CADPS: variants seen among roughly 807,000 people sequenced by gnomAD.
CADPS encodes calcium dependent secretion activator.
In CADPS, 57 loss-of-function variants were observed where a neutral mutation model predicts 167.3. That is an observed-to-expected ratio of 0.34 (90% CI 0.28 to 0.42). The LOEUF (loss-of-function observed/expected upper bound fraction) is 0.42. CADPS is among the 20% of genes least tolerant of loss of function. The pLI is 1.00. For synonymous variants in CADPS, 676 were observed against 635.3 expected, an observed-to-expected ratio of 1.06 and a Z score of -0.96; for missense variants, 1,414 against 1,738.1, an observed-to-expected ratio of 0.81 and a Z score of 3.32.
At chr3:62,630,355 C>G (rs1168255589) in intron 6 of CADPS, among the ~76,000 whole-genome samples, 1 of 151,984 alleles carries the variant, frequency 6.6e-6, no homozygotes, top group African/African-American at 2.4e-5. Context: ...ATTTTATTTT[C>G]TTGGAAATAG....
intron 1 of CADPS, among the ~76,000 whole-genome samples, chr3:62,822,192 T>C (rs543640688): frequency 2.6e-5 from 4 of 152,316 alleles, no homozygotes; most frequent in African/African-American, 9.6e-5. Flanking sequence ...GGGAATGCTA[T>C]CATATTAACA....
intron 24 of CADPS, among the ~76,000 whole-genome samples, chr3:62,473,508 CT>C (rs949795042): frequency 2.0e-5 from 3 of 152,160 alleles, no homozygotes; most frequent in African/African-American, 7.2e-5. Flanking sequence ...ATCTAGCTGG[CT>C]TAAGGCCATC....
At chr3:62,570,989 T>A in intron 8 of CADPS, 51 bp from the exon 9 acceptor site, 1 of 1,153,920 alleles carries the variant, frequency 8.7e-7, no homozygotes, top group Non-Finnish European at 1.3e-6. Context: ...AGTGAGTGAA[T>A]TGTTGAACAC....
chr3:62,599,780 T>TATATTATATATATAA (rs1491429269), intron 6 of CADPS, among the ~76,000 whole-genome samples: 1 of 12,310 alleles, frequency 8.1e-5, no homozygotes, highest in African/African-American at 3.0e-4. Context: ...AATATATATA[T>TATATTATATATATAA]TATATATAAT....
chr3:62,783,872 AG>A (rs2092085050), intron 1 of CADPS, among the ~76,000 whole-genome samples: 1 of 152,228 alleles, frequency 6.6e-6, no homozygotes, highest in Non-Finnish European at 1.5e-5. Flanking sequence ...TATTTATCTG[AG>A]AGAAGGAGAG....
At chr3:62,524,055 CA>C (rs2071412572) in intron 13 of CADPS, among the ~76,000 whole-genome samples, 1 of 152,160 alleles carries the variant, frequency 6.6e-6, no homozygotes, top group Non-Finnish European at 1.5e-5. Flanking sequence ...ACATTTAGAC[CA>C]AACATCCTCT....
chr3:62,799,629 A>G (rs9867095), intron 1 of CADPS, among the ~76,000 whole-genome samples: 117,635 of 151,726 alleles, frequency 0.78, 47,793 homozygotes, highest in South Asian at 0.89. Context: ...TGTGTATGTG[A>G]CCCTGGGGCA....
intron 9 of CADPS, among the ~76,000 whole-genome samples, chr3:62,561,078 C>CAAAAAAAAAAAAAAAAAAAAAAAA: frequency 1.2e-5 from 1 of 83,576 alleles, no homozygotes; most frequent in South Asian, 5.6e-4. Context: ...AACTCCATCT[C>CAAAAAAAAAAAAAAAAAAAAAAAA]AAAAAAAAAA....
chr3:62,407,523 C>T (rs1708968449), intron 28 of CADPS, among the ~76,000 whole-genome samples: 1 of 152,168 alleles, frequency 6.6e-6, no homozygotes, highest in African/African-American at 2.4e-5. Context: ...TACTTATTAG[C>T]TGGGTAACCT....
chr3:62,847,432 C>G (rs1484807222), intron 1 of CADPS, among the ~76,000 whole-genome samples: 1 of 94,670 alleles, frequency 1.1e-5, no homozygotes, highest in Non-Finnish European at 2.1e-5. Context: ...TCCCCCCTCC[C>G]CCCACCCCAC....
At chr3:62,851,199 G>A (rs1240027728) in intron 1 of CADPS, among the ~76,000 whole-genome samples, 5 of 142,006 alleles carry the variant, frequency 3.5e-5, no homozygotes, top group African/African-American at 1.0e-4. Context: ...CCTGAATACA[G>A]CACATTGATG....
chr3:62,516,977 C>A (rs529489264), intron 14 of CADPS, among the ~76,000 whole-genome samples: 1 of 151,934 alleles, frequency 6.6e-6, no homozygotes, highest in African/African-American at 2.4e-5. Flanking sequence ...TCGAGACTGG[C>A]GTTAAAAAAG....
intron 6 of CADPS, among the ~76,000 whole-genome samples, chr3:62,594,551 G>T (rs1235178155): frequency 6.6e-6 from 1 of 152,082 alleles, no homozygotes; most frequent in Non-Finnish European, 1.5e-5. Flanking sequence ...AAATAGAATT[G>T]AACATTAATT....
At chr3:62,530,074 T>C (rs1029001728) in intron 13 of CADPS, among the ~76,000 whole-genome samples, 2 of 152,152 alleles carry the variant, frequency 1.3e-5, no homozygotes, top group Non-Finnish European at 2.9e-5. Context: ...AAGTTAAAAG[T>C]GCCTTAAAGG....
chr3:62,682,865 A>G (rs2077373929), intron 3 of CADPS, among the ~76,000 whole-genome samples: 1 of 152,142 alleles, frequency 6.6e-6, no homozygotes, highest in African/African-American at 2.4e-5. Flanking sequence ...CATTAATGTA[A>G]ACTTACCAAG....
At chr3:62,631,479 T>A (rs538544322) in intron 6 of CADPS, among the ~76,000 whole-genome samples, 35 of 152,306 alleles carry the variant, frequency 2.3e-4, no homozygotes, top group Non-Finnish European at 4.7e-4. Flanking sequence ...TCTCTGAATA[T>A]TTTAATCCAT....
chr3:62,657,740 G>A (rs970988797), intron 4 of CADPS, among the ~76,000 whole-genome samples: 7 of 152,110 alleles, frequency 4.6e-5, no homozygotes, highest in Admixed American at 2.0e-4. Context: ...ATGCTGGTGC[G>A]ATTGAACTGA....
At chr3:62,762,383 G>A (rs1350693015) in intron 2 of CADPS, among the ~76,000 whole-genome samples, 1 of 152,190 alleles carries the variant, frequency 6.6e-6, no homozygotes, top group Non-Finnish European at 1.5e-5. Context: ...AAGGCCAGGT[G>A]TGGTGGCTCA....
At chr3:62,441,555 T>A (rs187226241) in intron 27 of CADPS, among the ~76,000 whole-genome samples, 4 of 152,290 alleles carry the variant, frequency 2.6e-5, no homozygotes, top group African/African-American at 9.6e-5. Flanking sequence ...GTACTAGAAC[T>A]TCCCTCCAGT....
Sources: gnomAD v4.1 joint callset for allele counts (sites outside exome capture counted in the v4.1 genomes callset) on GRCh38, gnomAD v4.1.1 for gene constraint, MANE v1.5 for transcripts, NCBI Gene and HGNC (gene_info 2026-07-23, HGNC 2026-07-21) for gene names.